SGIP1: variants seen among roughly 807,000 people sequenced by gnomAD.
SGIP1 encodes the protein SH3GL interacting endocytic adaptor 1, also known as SH3-containing GRB2-like protein 3-interacting protein 1.
In SGIP1, 38 loss-of-function variants were observed where a neutral mutation model predicts 107.5. That is an observed-to-expected ratio of 0.35 (90% CI 0.27 to 0.46). The LOEUF (loss-of-function observed/expected upper bound fraction) is 0.46. Among genes scored for constraint, SGIP1 ranks in the 20% least tolerant of loss-of-function variants. The pLI is 1.00. For synonymous variants in SGIP1, 365 were observed against 366.1 expected (o/e 1.00, Z 0.03); for missense variants, 929 against 1,019.5 (o/e 0.91, Z 1.21).
intron 1 of SGIP1, among the ~76,000 whole-genome samples, chr1:66,620,475 ACT>A (rs1305473623): frequency 6.6e-6 from 1 of 152,146 alleles, no homozygotes; most frequent in Non-Finnish European, 1.5e-5. Flanking sequence ...GCCTCAGGAA[ACT>A]CACAATCATG....
chr1:66,592,394 G>A (rs1338217608), intron 1 of SGIP1, among the ~76,000 whole-genome samples: 2 of 152,144 alleles, frequency 1.3e-5, no homozygotes, highest in East Asian at 1.9e-4. Context: ...AGTCAACACA[G>A]CACATGTCTC....
At chr1:66,709,468 C>A (rs2092762262) in intron 18 of SGIP1, among the ~76,000 whole-genome samples, 1 of 152,140 alleles carries the variant, frequency 6.6e-6, no homozygotes, top group Non-Finnish European at 1.5e-5. Context: ...GTTCTCTCCT[C>A]TCAGACTCAG....
chr1:66,612,643 A>G (rs905630107), intron 1 of SGIP1, among the ~76,000 whole-genome samples: 1 of 152,190 alleles, frequency 6.6e-6, no homozygotes, highest in Non-Finnish European at 1.5e-5. Flanking sequence ...TTCTCATTTA[A>G]TACAATAATC....
At chr1:66,659,882 C>G (rs569112140) in intron 7 of SGIP1, among the ~76,000 whole-genome samples, 1 of 147,654 alleles carries the variant, frequency 6.8e-6, no homozygotes, top group Non-Finnish European at 1.5e-5. Flanking sequence ...TGCACTCCTC[C>G]CAGGGCACAG....
intron 19 of SGIP1, among the ~76,000 whole-genome samples, chr1:66,728,232 G>A (rs560051135): frequency 1.2e-4 from 18 of 152,228 alleles, no homozygotes; most frequent in Non-Finnish European, 2.2e-4. Flanking sequence ...GTTACTCGAA[G>A]AGCTAAGTAA....
At chr1:66,538,129 C>T (rs1209288585) in intron 1 of SGIP1, among the ~76,000 whole-genome samples, 3 of 152,154 alleles carry the variant, frequency 2.0e-5, no homozygotes, top group South Asian at 2.1e-4. Context: ...TGCAATAAAC[C>T]TTATAAACAC....
chr1:66,735,342 A>G (rs1202300390), intron 21 of SGIP1, among the ~76,000 whole-genome samples: 1 of 152,028 alleles, frequency 6.6e-6, no homozygotes, highest in East Asian at 1.9e-4. Flanking sequence ...CAGCCTCCCA[A>G]GTAGCTGGGA....
intron 15 of SGIP1, among the ~76,000 whole-genome samples, chr1:66,687,459 G>A (rs1001323073): frequency 2.6e-5 from 4 of 151,404 alleles, no homozygotes; most frequent in African/African-American, 7.3e-5. Context: ...TTTTTTTTAA[G>A]AGAAGACTAG....
chr1:66,641,322 T>C (rs2076751841), intron 5 of SGIP1, among the ~76,000 whole-genome samples: 1 of 152,122 alleles, frequency 6.6e-6, no homozygotes, highest in South Asian at 2.1e-4. Context: ...ATATAGACAA[T>C]AAAAAAGATT....
chr1:66,590,489 G>A (rs1193281032), intron 1 of SGIP1: 1 of 152,158 alleles, frequency 6.6e-6, no homozygotes. Context: ...CCAGCCTGGA[G>A]TGCAGTGGTG....
At chr1:66,549,979 G>A (rs1332453657) in intron 1 of SGIP1, among the ~76,000 whole-genome samples, 1 of 152,058 alleles carries the variant, frequency 6.6e-6, no homozygotes, top group Non-Finnish European at 1.5e-5. Context: ...AATCTTTTAG[G>A]GAATTTTCCA....
chr1:66,668,643 T>C (rs6692318), intron 9 of SGIP1, among the ~76,000 whole-genome samples: 17,611 of 152,250 alleles, frequency 0.12, 1,094 homozygotes, highest in South Asian at 0.15. Context: ...ATTAGTCAAT[T>C]ATTATTTGAT....
chr1:66,724,466 A>G (rs1224126667), intron 19 of SGIP1, among the ~76,000 whole-genome samples: 1 of 152,150 alleles, frequency 6.6e-6, no homozygotes, highest in Non-Finnish European at 1.5e-5. Flanking sequence ...TTTCAGGTCA[A>G]TTTAGACACT....
At chr1:66,555,398 GC>G (rs987511118) in intron 1 of SGIP1, among the ~76,000 whole-genome samples, 3 of 152,028 alleles carry the variant, frequency 2.0e-5, no homozygotes, top group Admixed American at 2.0e-4. Context: ...GCTGTTTTCT[GC>G]AACTCTGTTC....
chr1:66,740,600 C>A, intron 22 of SGIP1, 58 bp from the exon 23 acceptor site: 1 of 1,058,518 alleles, frequency 9.4e-7, no homozygotes, highest in Non-Finnish European at 1.4e-6. Context: ...AAAAACATGG[C>A]ATCCAGTAAA....
chr1:66,569,797 G>T (rs759910195), intron 1 of SGIP1, among the ~76,000 whole-genome samples: 4 of 151,694 alleles, frequency 2.6e-5, no homozygotes, highest in Non-Finnish European at 5.9e-5. Flanking sequence ...TAGAAAATTA[G>T]AAAATTTTCT....
intron 19 of SGIP1, among the ~76,000 whole-genome samples, chr1:66,728,212 C>A (rs1179292888): frequency 1.3e-5 from 2 of 152,124 alleles, no homozygotes; most frequent in Non-Finnish European, 2.9e-5. Flanking sequence ...ATGCTAAAGG[C>A]ATTACTCATG....
intron 1 of SGIP1, among the ~76,000 whole-genome samples, chr1:66,548,485 C>T (rs924997386): frequency 6.6e-6 from 1 of 151,966 alleles, no homozygotes; most frequent in Non-Finnish European, 1.5e-5. Flanking sequence ...TTTTCAGAGA[C>T]ATGCTGACAG....
Position 66,635,999 on chromosome 1 carries a change from G to A in SGIP1, c.155G>A (p.Gly52Glu), listed in dbSNP as rs762995680. 9 of 1,613,134 alleles carry A rather than the reference G, an allele frequency of 5.6e-6. No homozygotes were observed. The highest frequency in any genetic ancestry group is 6.8e-6 in the Non-Finnish European group (8 of 1,179,702). The change falls in exon 4 of 25, where the codon GGA becomes GAA. Residue 52 changes from glycine to glutamate, a missense_variant. Gly to Glu is a moderately conservative substitution (Grantham distance 98). Transcript: ENST00000371037. Reference sequence around the variant, plus strand: ...AGCAAAGCAGAGTGTGCGCGTGAAGGAGGAAAAAAAGTTTCGGTAAGGAAA... The same window carrying A: ...AGCAAAGCAGAGTGTGCGCGTGAAGAAGGAAAAAAAGTTTCGGTAAGGAAA... ...YNSKAECARE[G>E]GKKVSKKSNG...
Sources: gnomAD v4.1 joint callset for allele counts (sites outside exome capture counted in the v4.1 genomes callset) on GRCh38, gnomAD v4.1.1 for gene constraint, MANE v1.5 for transcripts, NCBI Gene and HGNC (gene_info 2026-07-23, HGNC 2026-07-21) for gene names.